SLC14A2: variants seen among roughly 807,000 people sequenced by gnomAD.
SLC14A2 encodes the protein urea transporter 2.
SLC14A2 carries 91 observed loss-of-function variants against 104.6 expected under a neutral mutation model. That is an observed-to-expected ratio of 0.87 (90% CI 0.73 to 1.04). The LOEUF is 1.04. SLC14A2 is among the 50% of genes least tolerant of loss of function. The pLI, the probability that SLC14A2 is intolerant of heterozygous loss-of-function variation, is 0.00. For synonymous variants in SLC14A2, 476 were observed against 466.4 expected (o/e 1.02, Z -0.27); for missense variants, 1,189 against 1,156.0 (o/e 1.03, Z -0.41).
intron 1 of SLC14A2, among the ~76,000 whole-genome samples, chr18:45,293,019 C>T (rs914678977): frequency 1.1e-4 from 16 of 152,074 alleles, no homozygotes; most frequent in African/African-American, 3.9e-4. Context: ...AAAGTGACTC[C>T]GTCCATGCTT....
intron 10 of SLC14A2, among the ~76,000 whole-genome samples, chr18:45,648,572 G>C (rs2045668481): frequency 6.6e-6 from 1 of 151,816 alleles, no homozygotes; most frequent in Non-Finnish European, 1.5e-5. Context: ...CTTTCTTTCT[G>C]ATATTTTCTT....
chr18:45,248,577 G>A (rs2084390041), intron 1 of SLC14A2, among the ~76,000 whole-genome samples: 1 of 152,100 alleles, frequency 6.6e-6, no homozygotes, highest in South Asian at 2.1e-4. Context: ...ACAAGCAGTT[G>A]GAACTTGGGG....
chr18:45,396,898 T>TA (rs2086039923), intron 1 of SLC14A2, among the ~76,000 whole-genome samples: 1 of 152,144 alleles, frequency 6.6e-6, no homozygotes, highest in Non-Finnish European at 1.5e-5. Flanking sequence ...AGCCCCCACT[T>TA]ATAAGTGATA....
At chr18:45,434,546 C>G (rs2086566201) in intron 1 of SLC14A2, among the ~76,000 whole-genome samples, 1 of 152,122 alleles carries the variant, frequency 6.6e-6, no homozygotes, top group Non-Finnish European at 1.5e-5. Flanking sequence ...TGGATAGCAC[C>G]AGTGGATTTC....
intron 1 of SLC14A2, among the ~76,000 whole-genome samples, chr18:45,240,635 T>G (rs2084304383): frequency 6.7e-6 from 1 of 149,848 alleles, no homozygotes; most frequent in African/African-American, 2.5e-5. Context: ...AAAGTGTTTT[T>G]TTTTTGTTTT....
chr18:45,635,258 C>A (rs1255034796), intron 5 of SLC14A2, among the ~76,000 whole-genome samples: 1 of 152,154 alleles, frequency 6.6e-6, no homozygotes, highest in African/African-American at 2.4e-5. Context: ...GGTGGAAACA[C>A]ACAGAAGCTT....
chr18:45,496,935 G>A (rs551537908), intron 2 of SLC14A2, among the ~76,000 whole-genome samples: 35 of 152,174 alleles, frequency 2.3e-4, no homozygotes, highest in Non-Finnish European at 3.8e-4. Context: ...CTAGTGGCTT[G>A]CCAGAGGCTC....
At chr18:45,576,030 A>G (rs2044414115) in intron 2 of SLC14A2, among the ~76,000 whole-genome samples, 1 of 152,192 alleles carries the variant, frequency 6.6e-6, no homozygotes, top group Admixed American at 6.5e-5. Flanking sequence ...AAGAGTCATA[A>G]ATAGTGATTT....
chr18:45,468,774 T>C (rs146621613), intron 1 of SLC14A2, among the ~76,000 whole-genome samples: 1,587 of 152,322 alleles, frequency 0.01, 18 homozygotes, highest in African/African-American at 0.025. Flanking sequence ...TCCTGCTAAA[T>C]GACATGTACA....
chr18:45,299,360 T>G (rs764121572), intron 1 of SLC14A2, among the ~76,000 whole-genome samples: 1 of 152,244 alleles, frequency 6.6e-6, no homozygotes, highest in Non-Finnish European at 1.5e-5. Flanking sequence ...TTTTTGGTTG[T>G]CCTTCGACAC....
intron 2 of SLC14A2, among the ~76,000 whole-genome samples, chr18:45,540,789 C>T (rs1328412179): frequency 6.6e-6 from 1 of 152,022 alleles, no homozygotes; most frequent in Non-Finnish European, 1.5e-5. Flanking sequence ...GTGGAAGCTC[C>T]CTGAGGGCTG....
intron 1 of SLC14A2, among the ~76,000 whole-genome samples, chr18:45,271,687 A>T (rs1476807544): frequency 6.6e-6 from 1 of 152,156 alleles, no homozygotes; most frequent in African/African-American, 2.4e-5. Flanking sequence ...ATGTTCATGG[A>T]TTGGAAGAAT....
At chr18:45,280,414 C>T (rs774534385) in intron 1 of SLC14A2, among the ~76,000 whole-genome samples, 7 of 152,056 alleles carry the variant, frequency 4.6e-5, no homozygotes, top group African/African-American at 9.7e-5. Flanking sequence ...AGGTTGGAAG[C>T]GGCAGGGAAT....
chr18:45,656,597 G>C (rs979507604), intron 10 of SLC14A2, among the ~76,000 whole-genome samples: 1 of 152,134 alleles, frequency 6.6e-6, no homozygotes, highest in African/African-American at 2.4e-5. Flanking sequence ...GGCCAGGGTA[G>C]GAACAGTGAG....
chr18:45,494,241 C>T (rs78369148), intron 2 of SLC14A2, among the ~76,000 whole-genome samples: 11,193 of 152,210 alleles, frequency 0.074, 544 homozygotes, highest in East Asian at 0.21. Context: ...ATCACAAATT[C>T]CCCAAATTAG....
At chr18:45,548,212 T>G (rs1251245230) in intron 2 of SLC14A2, among the ~76,000 whole-genome samples, 4 of 152,200 alleles carry the variant, frequency 2.6e-5, no homozygotes, top group Non-Finnish European at 5.9e-5. Context: ...CCCTGTGATG[T>G]CATCCTGGGC....
chr18:45,389,960 A>G (rs951570781), intron 1 of SLC14A2, among the ~76,000 whole-genome samples: 3 of 152,192 alleles, frequency 2.0e-5, no homozygotes, highest in African/African-American at 7.2e-5. Flanking sequence ...CTTCCTCTCA[A>G]TTTTGCTAGA....
chr18:45,200,840 T>A, the SLC14A2 span, among the ~76,000 whole-genome samples: 3 of 152,154 alleles, frequency 2.0e-5, no homozygotes, highest in Non-Finnish European at 4.4e-5. Flanking sequence ...CCTGCTTGCC[T>A]CTATTAACAA....
chr18:45,394,417 A>G (rs2086006198), intron 1 of SLC14A2, among the ~76,000 whole-genome samples: 1 of 152,190 alleles, frequency 6.6e-6, no homozygotes, highest in African/African-American at 2.4e-5. Flanking sequence ...ACAACAAATT[A>G]AATATATATG....
Sources: allele counts gnomAD v4.1 joint callset (sites outside exome capture counted in the v4.1 genomes callset), GRCh38; gene constraint gnomAD v4.1.1; transcripts MANE v1.5; gene names NCBI Gene and HGNC (gene_info 2026-07-23, HGNC 2026-07-21).